LOXL4: variants seen among roughly 807,000 people sequenced by gnomAD.
LOXL4 encodes lysyl oxidase like 4.
A neutral mutation model predicts 89.1 loss-of-function variants in LOXL4; 72 were observed. The ratio of observed to expected loss-of-function variants is 0.81; its 90% CI spans 0.67 to 0.98. The LOEUF is 0.98. Ranked by LOEUF, LOXL4 falls within the 50% of genes least tolerant of loss-of-function variation. LOXL4 has a pLI of 0.00. For missense variants in LOXL4, 984 were observed against 1,017.5 expected, an observed-to-expected ratio of 0.97 and a Z score of 0.45; for synonymous variants, 355 against 392.1, an observed-to-expected ratio of 0.91 and a Z score of 1.12.
At chr10:98,265,378 T>TAACAGCTACTGTGACAGCGACG (rs1564762994) in intron 1 of LOXL4, among the ~76,000 whole-genome samples, 3 of 34,520 alleles carry the variant, frequency 8.7e-5, no homozygotes, top group African/African-American at 1.3e-4. Context: ...GAACTATTAT[T>TAACAGCTACTGTGACAGCGACG]ATTATTATTA....
intron 9 of LOXL4, chr10:98,256,019 G>T: frequency 2.8e-6 from 1 of 352,098 alleles, no homozygotes; most frequent in Non-Finnish European, 5.2e-6. Context: ...GCAGAGGAGG[G>T]TCCTGTTCCC....
In LOXL4 at chr10:98,257,634, T is replaced by C. The variant is rs1858415483; in HGVS notation, c.1260+16A>G. Reference sequence around the variant, plus strand: ...CCCGGCCCCCAGCCTGAGGCCATGCTCAGACCCAAACTCACCTGATTCTGA... The same window carrying C: ...CCCGGCCCCCAGCCTGAGGCCATGCCCAGACCCAAACTCACCTGATTCTGA... On this transcript the variant is annotated intron_variant, in intron 8 of 14. Coordinates refer to ENST00000260702, the MANE Select transcript of LOXL4 (RefSeq NM_032211.7). 1 of 1,610,460 alleles carries C rather than the reference T, an allele frequency of 6.2e-7. No homozygotes were observed. Among genetic ancestry groups the C allele is most frequent in the Non-Finnish European group, 8.5e-7 (1 of 1,178,430 alleles).
At chr10:98,260,209 G>A (rs1408314732) in intron 4 of LOXL4, among the ~76,000 whole-genome samples, 4 of 152,114 alleles carry the variant, frequency 2.6e-5, no homozygotes, top group Admixed American at 6.5e-5. Flanking sequence ...CCCACCCCAC[G>A]CCTCACTTAC....
At position 98,262,212 on chromosome 10, in the gene LOXL4, T is replaced by C; in HGVS notation, c.279A>G (p.Gly93=). 1 of 1,613,162 alleles carries C rather than the reference T, an allele frequency of 6.2e-7. No homozygotes were observed. Among genetic ancestry groups the C allele is most frequent in the Non-Finnish European group, 8.5e-7 (1 of 1,179,914 alleles). Residue 93 remains glycine (G), a splice_region_variant and synonymous_variant, in exon 3 of 15, where the codon GGA becomes GGG. Coordinates refer to ENST00000260702, the MANE Select transcript of LOXL4 (RefSeq NM_032211.7). ...AHSAKYGQGE[G]PIWLDNVRCV... is the part of the protein sequence containing the mutation. The stretch of plus-strand genomic sequence containing the variant: ...AGCGCACATTGTCCAGCCAGATGGG[T>C]CCTGTGGAGTGGAGGTGATGCTCAA...
At chr10:98,262,591 A>G (rs1858576568) in intron 2 of LOXL4, 152 bp downstream of exon 2, 3 of 941,260 alleles carry the variant, frequency 3.2e-6, no homozygotes, top group African/African-American at 1.6e-5. Flanking sequence ...GGGTGGGAGT[A>G]GGGGCCATGT....
chr10:98,249,997 T>A (rs1858142748), intron 14 of LOXL4, among the ~76,000 whole-genome samples: 1 of 152,198 alleles, frequency 6.6e-6, no homozygotes, highest in African/African-American at 2.4e-5. Context: ...GCCCACGGGA[T>A]AAAATCCATT....
intron 1 of LOXL4, among the ~76,000 whole-genome samples, chr10:98,266,089 C>T (rs573894752): frequency 7.2e-5 from 11 of 152,312 alleles, no homozygotes; most frequent in Admixed American, 5.2e-4. Flanking sequence ...TTCCCTCCTC[C>T]GTGCTCCCTG....
intron 1 of LOXL4, 123 bp from the exon 2 acceptor site, chr10:98,263,174 G>GTA (rs1363513777): frequency 4.3e-6 from 3 of 699,272 alleles, no homozygotes; most frequent in Non-Finnish European, 7.2e-6. Context: ...GTGTGTGTGT[G>GTA]CACGCGCACA....
chr10:98,267,852 C>A (rs930658476), intron 1 of LOXL4, among the ~76,000 whole-genome samples: 2 of 152,282 alleles, frequency 1.3e-5, no homozygotes, highest in South Asian at 2.1e-4. Flanking sequence ...TGGTTACACA[C>A]GGCGTGTACA....
At chr10:98,252,025 G>A (rs978401958) in intron 12 of LOXL4, 3 of 485,574 alleles carry the variant, frequency 6.2e-6, no homozygotes, top group Non-Finnish European at 1.1e-5. Flanking sequence ...GTTCCTAAGG[G>A]TTAGGGACTG....
chr10:98,259,093 G>A lies in LOXL4; in HGVS notation c.837C>T (p.Gly279=). 1 of 1,599,632 alleles carries A rather than the reference G, an allele frequency of 6.3e-7. No individual in the cohort carries two copies. The change falls in exon 6 of 15, where the codon GGC becomes GGT. Residue 279 remains glycine (G), a synonymous_variant. Coordinates refer to ENST00000260702, the MANE Select transcript of LOXL4 (RefSeq NM_032211.7). The part of the protein sequence containing the change: ...RGKLRPACPG[G]MHAVVSCVAG... ...CCACACAGCTGACCACAGCGTGCAT[G>A]CCACCTGGGCAGGCTGGCCGCAGCT...
intron 13 of LOXL4, 112 bp from the exon 14 acceptor site, chr10:98,251,288 A>G (rs565208117): frequency 1.9e-4 from 171 of 901,340 alleles, no homozygotes; most frequent in African/African-American, 1.8e-3. Context: ...ATTCTTAACA[A>G]TTACCCAGGA....
At chr10:98,251,271 T>A in intron 13 of LOXL4, 95 bp from the exon 14 acceptor site, 2 of 998,368 alleles carry the variant, frequency 2.0e-6, no homozygotes, top group Non-Finnish European at 3.1e-6. Context: ...TTCTATTTGC[T>A]TCATTAATTC....
chr10:98,252,072 C>T (rs746073525), intron 12 of LOXL4: 8 of 489,666 alleles, frequency 1.6e-5, no homozygotes, highest in Admixed American at 3.7e-5. Flanking sequence ...TGCTTGCCCT[C>T]GGAGAGCTCA....
rs544018119 is a variant in LOXL4, at chr10:98,253,035, C to G, written c.1835+518G>C. Among the ~76,000 whole-genome samples, 12 of 152,372 alleles carry G rather than the reference C, an allele frequency of 7.9e-5. 1 individual carries two copies. Among genetic ancestry groups the G allele is most frequent in the Admixed American group, 2.6e-4 (4 of 15,308 alleles). On this transcript the variant is annotated intron_variant, in intron 11 of 14. Transcript: ENST00000260702. ...CCTTTGTCACAGGCATTGTCTCTCC[C>G]TCTCTCTGGTCTGGAAGCTCCTGAT... is the stretch of plus-strand genomic sequence containing the variant.
intron 3 of LOXL4, among the ~76,000 whole-genome samples, chr10:98,261,378 G>T (rs1858536462): frequency 6.6e-6 from 1 of 152,192 alleles, no homozygotes; most frequent in Non-Finnish European, 1.5e-5. Context: ...TGTCAAATTG[G>T]AGAGAACTAG....
chr10:98,250,117 G>A (rs905433467), intron 14 of LOXL4, among the ~76,000 whole-genome samples: 2 of 152,184 alleles, frequency 1.3e-5, no homozygotes, highest in Non-Finnish European at 2.9e-5. Context: ...TTTCCTCACT[G>A]TCCTCCAGCT....
chr10:98,262,649 A>G (rs754667232), intron 2 of LOXL4, 94 bp downstream of exon 2: 17 of 1,446,946 alleles, frequency 1.2e-5, no homozygotes, highest in Non-Finnish European at 1.6e-5. Context: ...TCACATGAGC[A>G]GGGTATTAAA....
chr10:98,254,414 G>A (rs1217932071), intron 10 of LOXL4, among the ~76,000 whole-genome samples: 2 of 152,208 alleles, frequency 1.3e-5, no homozygotes, highest in Non-Finnish European at 2.9e-5. Flanking sequence ...CAGGCCGGCC[G>A]CAGCTTGCCC....
Sources: allele counts gnomAD v4.1 joint callset (sites outside exome capture counted in the v4.1 genomes callset), GRCh38; gene constraint gnomAD v4.1.1; transcripts MANE v1.5; gene names NCBI Gene and HGNC (gene_info 2026-07-23, HGNC 2026-07-21).